Variants in PAPSS2 observed in about 807,000 individuals in gnomAD.
PAPSS2 encodes the protein 3'-phosphoadenosine 5'-phosphosulfate synthase 2.
In PAPSS2, 61 loss-of-function variants were observed where a neutral mutation model predicts 66.5. The observed-to-expected ratio is 0.92, with a 90% CI of 0.75 to 1.14. The LOEUF (loss-of-function observed/expected upper bound fraction) is 1.14. PAPSS2 is among the 50% of genes most tolerant of loss of function. PAPSS2 has a pLI of 0.00. For missense variants in PAPSS2, 708 were observed against 789.6 expected (o/e 0.90, Z 1.24); for synonymous variants, 289 against 287.5 (o/e 1.01, Z -0.05).
In PAPSS2 at chr10:87,713,301, ATTCG is replaced by A; in HGVS notation, c.373_376del (p.Phe125GlnfsTer23). 8.6e-7 allele frequency: 1 copy of A among 1,157,808 alleles called. No homozygotes were observed. Among genetic ancestry groups the A allele is most frequent in the Admixed American group, 1.9e-5 (1 of 53,654 alleles). 71.7% of individuals were successfully genotyped at this position (1,157,808 alleles called of 1,614,324 possible). A position where few individuals can be genotyped will look rare whatever the true frequency, so the allele number is the denominator to read the frequency against. On this transcript the variant is annotated frameshift_variant, in exon 3 of 13. Transcript: ENST00000456849. LOFTEE classifies it high-confidence loss of function. ...TCTGCATTACCAGCTTTATTTCTCCATTCGCAAAGGTAAAAAAAAAAAAAAAAAA... is the reference window on the plus strand; with the variant it reads ...TCTGCATTACCAGCTTTATTTCTCCACAAAGGTAAAAAAAAAAAAAAAAAA...
intron 1 of PAPSS2, among the ~76,000 whole-genome samples, chr10:87,665,108 C>T (rs1852798563): frequency 6.6e-6 from 1 of 152,068 alleles, no homozygotes; most frequent in Admixed American, 6.6e-5. Context: ...GTAGAGATTC[C>T]TTCAGGCCTA....
intron 1 of PAPSS2, among the ~76,000 whole-genome samples, chr10:87,695,278 C>T (rs1317953107): frequency 6.6e-6 from 1 of 152,144 alleles, no homozygotes; most frequent in Non-Finnish European, 1.5e-5. Flanking sequence ...CTCTGTGGGG[C>T]CTCTTCATAA....
chr10:87,664,911 C>T (rs1852797031), intron 1 of PAPSS2, among the ~76,000 whole-genome samples: 1 of 152,144 alleles, frequency 6.6e-6, no homozygotes, highest in Non-Finnish European at 1.5e-5. Context: ...TGACAGTGAT[C>T]CTGGCACAGA....
chr10:87,665,382 T>G (rs1852802872), intron 1 of PAPSS2, among the ~76,000 whole-genome samples: 1 of 152,196 alleles, frequency 6.6e-6, no homozygotes, highest in Admixed American at 6.5e-5. Context: ...CGGCTAACTT[T>G]TTGTATTTTT....
chr10:87,733,315 G>A (rs778044887), intron 9 of PAPSS2, among the ~76,000 whole-genome samples: 5 of 152,150 alleles, frequency 3.3e-5, no homozygotes, highest in Non-Finnish European at 5.9e-5. Context: ...TGTGACATGC[G>A]CTCAAATGAA....
Position 87,720,407 on chromosome 10 carries a change from G to A in PAPSS2, c.866-1349G>A, listed in dbSNP as rs560431062. Among the ~76,000 whole-genome samples the A allele has an allele frequency of 2.0e-5, 3 of 152,254 alleles. No homozygotes were observed. In the East Asian group the frequency reaches 5.8e-4, roughly 29 times the overall value. Reference sequence around the variant, plus strand: ...CTCACCTGATGGCGTTTGGACTGAGGAGACAGAGTTAAATTGTAAAAAGTG... The same window carrying A: ...CTCACCTGATGGCGTTTGGACTGAGAAGACAGAGTTAAATTGTAAAAAGTG... On this transcript the variant is annotated intron_variant, in intron 7 of 12. Transcript: ENST00000456849.
intron 1 of PAPSS2, among the ~76,000 whole-genome samples, chr10:87,707,090 C>T (rs1290055173): frequency 2.6e-5 from 4 of 152,320 alleles, no homozygotes; most frequent in Non-Finnish European, 5.9e-5. Context: ...TGTTCCCTAA[C>T]CATTGGCCCC....
At chr10:87,740,607 A>G (rs952526946) in intron 9 of PAPSS2, among the ~76,000 whole-genome samples, 6 of 152,210 alleles carry the variant, frequency 3.9e-5, no homozygotes, top group Admixed American at 3.3e-4. Flanking sequence ...TCCAACTTAA[A>G]CCTTTAAGAA....
intron 7 of PAPSS2, among the ~76,000 whole-genome samples, chr10:87,716,663 G>T: frequency 6.6e-6 from 1 of 152,108 alleles, no homozygotes. Context: ...TTCATGTCCT[G>T]TGTTTGTGCC....
intron 1 of PAPSS2, among the ~76,000 whole-genome samples, chr10:87,687,415 A>C (rs945334309): frequency 6.6e-6 from 1 of 152,212 alleles, no homozygotes; most frequent in Non-Finnish European, 1.5e-5. Context: ...AGACTAGCCC[A>C]CTTGGTTGAA....
At chr10:87,719,966 A>C (rs549783201) in intron 7 of PAPSS2, among the ~76,000 whole-genome samples, 9 of 151,868 alleles carry the variant, frequency 5.9e-5, no homozygotes, top group African/African-American at 2.2e-4. Flanking sequence ...GCTCACTGCA[A>C]CCTCTGCCTC....
intron 1 of PAPSS2, among the ~76,000 whole-genome samples, chr10:87,701,323 C>CTTTCTTT (rs1853305547): frequency 2.4e-5 from 2 of 84,200 alleles, no homozygotes; most frequent in South Asian, 5.1e-4. Context: ...TTCCTTCCTT[C>CTTTCTTT]CTTCCTTTCT....
chr10:87,740,998 G>A (rs11202534), intron 9 of PAPSS2, among the ~76,000 whole-genome samples: 1 of 152,104 alleles, frequency 6.6e-6, no homozygotes, highest in Non-Finnish European at 1.5e-5. Context: ...AATATGAAAA[G>A]TAATGATAGC....
intron 1 of PAPSS2, among the ~76,000 whole-genome samples, chr10:87,682,313 C>T (rs1361429093): frequency 6.6e-6 from 1 of 152,222 alleles, no homozygotes; most frequent in Non-Finnish European, 1.5e-5. Context: ...GTCTTGCAGG[C>T]ACAAACGCAG....
intron 1 of PAPSS2, among the ~76,000 whole-genome samples, chr10:87,673,578 A>ATGTGTGTGTGTGTGTGTG (rs35768490): frequency 6.7e-6 from 1 of 148,178 alleles, no homozygotes; most frequent in African/African-American, 2.5e-5. Context: ...GTATGTATTC[A>ATGTGTGTGTGTGTGTGTG]TGTGTGTGTG....
At chr10:87,685,235 C>G (rs1389771386) in intron 1 of PAPSS2, among the ~76,000 whole-genome samples, 1 of 152,182 alleles carries the variant, frequency 6.6e-6, no homozygotes, top group Non-Finnish European at 1.5e-5. Flanking sequence ...TTGGCTTTAA[C>G]TGTTCAGGCT....
chr10:87,720,285 G>A (rs1245400834), intron 7 of PAPSS2, among the ~76,000 whole-genome samples: 2 of 152,202 alleles, frequency 1.3e-5, no homozygotes, highest in Admixed American at 1.3e-4. Flanking sequence ...CCAGTAGAAG[G>A]GAGTAGGGGC....
At chr10:87,739,800 A>G (rs921498562) in intron 9 of PAPSS2, among the ~76,000 whole-genome samples, 15 of 152,242 alleles carry the variant, frequency 9.9e-5, no homozygotes, top group Middle Eastern at 3.2e-3. Context: ...ATTCATCATC[A>G]TGCACTTGCA....
chr10:87,725,189 G>T lies in PAPSS2; in HGVS notation c.881-2095G>T, dbSNP rs190980241. Among the ~76,000 whole-genome samples, 263 of 152,250 alleles carry T rather than the reference G, an allele frequency of 1.7e-3. 1 individual carries two copies. Among genetic ancestry groups the T allele is most frequent in the Admixed American group, 5.9e-3 (90 of 15,298 alleles). The stretch of plus-strand genomic sequence containing the variant: ...TAGAATAATGTTTGACTAAATATCT[G>T]AGTACTGTGGCCTAGCTAAGTTGAC... On this transcript the variant is annotated intron_variant, in intron 8 of 12. Transcript: ENST00000456849.
Sources: gnomAD v4.1 joint callset for allele counts (sites outside exome capture counted in the v4.1 genomes callset) on GRCh38, gnomAD v4.1.1 for gene constraint, MANE v1.5 for transcripts, NCBI Gene and HGNC (gene_info 2026-07-23, HGNC 2026-07-21) for gene names.